Variants in DCDC1 observed in about 807,000 individuals in gnomAD.
The protein encoded by DCDC1 is doublecortin domain containing 1.
A neutral mutation model predicts 178.3 loss-of-function variants in DCDC1; 200 were observed. The observed-to-expected ratio is 1.12, with a 90% CI of 1.00 to 1.26. DCDC1 has a LOEUF of 1.26. DCDC1 is among the 50% of genes most tolerant of loss of function. The probability of loss-of-function intolerance (pLI) is 0.00; values close to 1 mark genes in which losing one functional copy is unlikely to be tolerated. For missense variants in DCDC1, 1,983 were observed against 1,749.2 expected (o/e 1.13, Z -2.38); for synonymous variants, 690 against 604.8 (o/e 1.14, Z -2.07).
In DCDC1 at chr11:31,162,542, G is replaced by A. The variant is rs76173445; in HGVS notation, c.1222-24758C>T. On this transcript the variant is annotated intron_variant, in intron 9 of 38. Transcript: ENST00000684477. The stretch of plus-strand genomic sequence containing the variant: ...TCAAAATTGTATTATGTTTTCAATC[G>A]TTCTAGGTCTAATATATCTCAAATA... Among the ~76,000 whole-genome samples the A allele has an allele frequency of 6.0e-3, 905 of 152,008 alleles. 10 individuals carry two copies. Among genetic ancestry groups the A allele is most frequent in the African/African-American group, 0.021 (854 of 41,462 alleles).
intron 9 of DCDC1, among the ~76,000 whole-genome samples, chr11:31,146,707 T>A (rs1373547991): frequency 2.0e-5 from 3 of 152,182 alleles, no homozygotes; most frequent in Admixed American, 2.0e-4. Context: ...CAACCTAAAC[T>A]TGACTTCCTG....
chr11:31,088,718 G>C lies in DCDC1; in HGVS notation c.2237+2675C>G, dbSNP rs184187323. Among the ~76,000 whole-genome samples the C allele has an allele frequency of 7.2e-5, 11 of 152,118 alleles. No homozygotes were observed. In the East Asian group the frequency reaches 2.1e-3, roughly 29 times the overall value. On this transcript the variant is annotated intron_variant, in intron 17 of 38. Transcript: ENST00000684477. The stretch of plus-strand genomic sequence containing the variant: ...AAAATAATTAGCACTGTGGGGTTTT[G>C]GGGGTGTTTTGTTTTTGACACACAG...
At chr11:30,940,031 T>G (rs1243457872) in intron 21 of DCDC1, among the ~76,000 whole-genome samples, 1 of 152,202 alleles carries the variant, frequency 6.6e-6, no homozygotes, top group Non-Finnish European at 1.5e-5. Flanking sequence ...TTATTTAAGC[T>G]ACTATATTTA....
At chr11:31,072,713 A>C in intron 18 of DCDC1, among the ~76,000 whole-genome samples, 1 of 152,264 alleles carries the variant, frequency 6.6e-6, no homozygotes, top group East Asian at 1.9e-4. Context: ...ATAAGACAAA[A>C]GACTTATCCA....
At chr11:30,933,062 T>C (rs139363176) in intron 21 of DCDC1, among the ~76,000 whole-genome samples, 112 of 152,220 alleles carry the variant, frequency 7.4e-4, no homozygotes, top group East Asian at 3.9e-3. Flanking sequence ...ATGACCATCC[T>C]GTAAAATATC....
At chr11:30,937,369 G>A (rs1320540378) in intron 21 of DCDC1, among the ~76,000 whole-genome samples, 1 of 151,956 alleles carries the variant, frequency 6.6e-6, no homozygotes, top group African/African-American at 2.4e-5. Flanking sequence ...GTTCCTGGTG[G>A]GACCTACTCA....
chr11:31,111,455 GT>G (rs1959174149), intron 11 of DCDC1, among the ~76,000 whole-genome samples: 1 of 152,050 alleles, frequency 6.6e-6, no homozygotes, highest in African/African-American at 2.4e-5. Context: ...AAAATTGCAG[GT>G]TTCATTCCAG....
At chr11:31,073,929 G>A (rs1956715230) in intron 18 of DCDC1, among the ~76,000 whole-genome samples, 1 of 152,104 alleles carries the variant, frequency 6.6e-6, no homozygotes, top group Admixed American at 6.6e-5. Context: ...TTTCTAAAAT[G>A]ATGCAAGTTG....
chr11:30,913,927 T>C (rs1036561925), intron 27 of DCDC1, among the ~76,000 whole-genome samples: 10 of 152,206 alleles, frequency 6.6e-5, no homozygotes, highest in Admixed American at 5.9e-4. Context: ...TAGGTTTAAG[T>C]GGGGACCTCT....
intron 1 of DCDC1, among the ~76,000 whole-genome samples, chr11:31,345,800 T>G (rs1397895261): frequency 6.6e-6 from 1 of 152,156 alleles, no homozygotes; most frequent in Non-Finnish European, 1.5e-5. Flanking sequence ...AGAAAATTAT[T>G]CTTAATAGAA....
At chr11:31,184,542 G>A (rs1411232105) in intron 9 of DCDC1, among the ~76,000 whole-genome samples, 1 of 151,930 alleles carries the variant, frequency 6.6e-6, no homozygotes, top group East Asian at 1.9e-4. Context: ...CTATCCATCT[G>A]ACAAAGGGCT....
chr11:31,195,482 T>G (rs549458696), intron 9 of DCDC1, among the ~76,000 whole-genome samples: 1 of 152,084 alleles, frequency 6.6e-6, no homozygotes, highest in Non-Finnish European at 1.5e-5. Context: ...TCAGTGGAAT[T>G]TTTTGGCAAC....
At chr11:30,918,985 C>T (rs562929339) in intron 25 of DCDC1, among the ~76,000 whole-genome samples, 3 of 152,188 alleles carry the variant, frequency 2.0e-5, no homozygotes, top group Non-Finnish European at 4.4e-5. Context: ...TGGCTTTATG[C>T]ATGTCCCTCC....
At chr11:31,155,454 C>CT (rs1212123390) in intron 9 of DCDC1, among the ~76,000 whole-genome samples, 1 of 152,200 alleles carries the variant, frequency 6.6e-6, no homozygotes, top group African/African-American at 2.4e-5. Context: ...AAGACACAAA[C>CT]TTTGAAATCT....
chr11:30,916,738 A>G, intron 26 of DCDC1, 132 bp downstream of exon 26: 1 of 1,095,652 alleles, frequency 9.1e-7, no homozygotes, highest in Non-Finnish European at 1.2e-6. Context: ...TCAAAAACAT[A>G]AGACAAAAAT....
At chr11:30,992,813 G>A (rs1191664859) in intron 20 of DCDC1, 1 of 152,150 alleles carries the variant, frequency 6.6e-6, no homozygotes, top group Non-Finnish European at 1.5e-5. Flanking sequence ...CTTCCTGACT[G>A]TCAATATTAG....
chr11:31,178,693 AT>A (rs1308230841), intron 9 of DCDC1, among the ~76,000 whole-genome samples: 1 of 151,890 alleles, frequency 6.6e-6, no homozygotes, highest in African/African-American at 2.4e-5. Context: ...AAATAACGCA[AT>A]TTTTCTTTTT....
chr11:31,009,269 C>T (rs1952029059), intron 20 of DCDC1, among the ~76,000 whole-genome samples: 2 of 152,086 alleles, frequency 1.3e-5, no homozygotes, highest in South Asian at 4.2e-4. Context: ...TAGTTCATAT[C>T]CAAGGTCATT....
intron 11 of DCDC1, among the ~76,000 whole-genome samples, chr11:31,117,806 C>A (rs1960194214): frequency 6.6e-6 from 1 of 151,854 alleles, no homozygotes; most frequent in Admixed American, 6.6e-5. Flanking sequence ...AGGAAATTTG[C>A]TTGCGTGTCA....
Sources: allele counts gnomAD v4.1 joint callset (sites outside exome capture counted in the v4.1 genomes callset), GRCh38; gene constraint gnomAD v4.1.1; transcripts MANE v1.5; gene names NCBI Gene and HGNC (gene_info 2026-07-23, HGNC 2026-07-21).